The following PHF14 variants were observed in gnomAD, a reference collection of about 807,000 sequenced individuals.
The protein encoded by PHF14 is PHD finger protein 14.
PHF14 carries 55 observed loss-of-function variants against 117.9 expected under a neutral mutation model. The ratio of observed to expected loss-of-function variants is 0.47; its 90% confidence interval spans 0.38 to 0.58. The LOEUF (loss-of-function observed/expected upper bound fraction) is 0.58, where lower values mean the gene tolerates loss of function less well. Ranked by LOEUF, PHF14 falls within the 20% of genes least tolerant of loss-of-function variation. The pLI, the probability that PHF14 is intolerant of heterozygous loss-of-function variation, is 0.00. For missense variants in PHF14, 978 were observed against 1,122.2 expected, an observed-to-expected ratio of 0.87 and a Z score of 1.84; for synonymous variants, 409 against 368.6, an observed-to-expected ratio of 1.11 and a Z score of -1.26.
intron 16 of PHF14, among the ~76,000 whole-genome samples, chr7:11,066,549 G>GT (rs1263160414): frequency 6.6e-6 from 1 of 152,122 alleles, no homozygotes; most frequent in East Asian, 1.9e-4. Flanking sequence ...AAGCTTTGTA[G>GT]TTTTGGCTTT....
Position 11,040,696 on chromosome 7 carries a change from C to A in PHF14, c.2101C>A (p.Arg701=). 1 of 1,558,142 alleles carries A rather than the reference C, an allele frequency of 6.4e-7. No individual in the cohort carries two copies. The highest frequency in any genetic ancestry group is 8.7e-7 in the Non-Finnish European group (1 of 1,149,900). ...GAAGTTGAATATACCGGCAATTTTGCGAGCACCCAAGGAGAGAAAACCAAG... is the reference window on the plus strand; with the variant it reads ...GAAGTTGAATATACCGGCAATTTTGAGAGCACCCAAGGAGAGAAAACCAAG... The part of the protein sequence containing the change: ...GQKLNIPAIL[R]APKERKPSKK... The change falls in exon 12 of 18, where the codon CGA becomes AGA. Residue 701 remains arginine (R), a synonymous_variant. Transcript: ENST00000634607.
At chr7:11,101,341 A>G (rs1393547717) in intron 16 of PHF14, among the ~76,000 whole-genome samples, 2 of 151,816 alleles carry the variant, frequency 1.3e-5, no homozygotes, top group Non-Finnish European at 3.0e-5. Flanking sequence ...TTGTATTTCT[A>G]TTATAAATGA....
chr7:11,025,619 C>T (rs1284865912), intron 6 of PHF14, among the ~76,000 whole-genome samples: 1 of 151,666 alleles, frequency 6.6e-6, no homozygotes, highest in Admixed American at 6.6e-5. Flanking sequence ...CGGTGAAACC[C>T]CGTCTCTCCT....
At chr7:11,127,443 C>G (rs559021410) in intron 17 of PHF14, among the ~76,000 whole-genome samples, 7 of 152,096 alleles carry the variant, frequency 4.6e-5, no homozygotes, top group African/African-American at 1.4e-4. Flanking sequence ...TTTAACGGGC[C>G]CACATTTTGT....
chr7:11,096,097 C>T (rs191687531), intron 16 of PHF14, among the ~76,000 whole-genome samples: 105 of 151,924 alleles, frequency 6.9e-4, no homozygotes, highest in Admixed American at 1.4e-3. Context: ...AAGAGGTCTT[C>T]CTTAATCACA....
chr7:11,106,993 ATGGATTT>A, intron 16 of PHF14: 1 of 982,936 alleles, frequency 1.0e-6, no homozygotes, highest in Non-Finnish European at 1.2e-6. Flanking sequence ...AGTCTATGTT[ATGGATTT>A]TGCTTCTTTC....
chr7:11,110,826 A>G (rs905138004), intron 16 of PHF14, among the ~76,000 whole-genome samples: 1 of 152,068 alleles, frequency 6.6e-6, no homozygotes, highest in South Asian at 2.1e-4. Context: ...ATCTACTTTA[A>G]CTTGAAGAAA....
At chr7:11,165,398 T>C (rs1437173714) in intron 17 of PHF14, among the ~76,000 whole-genome samples, 1 of 152,176 alleles carries the variant, frequency 6.6e-6, no homozygotes, top group African/African-American at 2.4e-5. Context: ...GATATTAACC[T>C]TGACCATTTG....
At chr7:11,114,390 TG>T (rs1476493760) in intron 17 of PHF14, among the ~76,000 whole-genome samples, 2 of 152,128 alleles carry the variant, frequency 1.3e-5, no homozygotes, top group African/African-American at 4.8e-5. Flanking sequence ...AACAAGTTTT[TG>T]ATATGGGGTT....
chr7:11,034,135 T>A (rs927667187), intron 7 of PHF14, among the ~76,000 whole-genome samples: 8 of 152,146 alleles, frequency 5.3e-5, no homozygotes, highest in Non-Finnish European at 7.4e-5. Flanking sequence ...GCTTTTTTTT[T>A]AATATTAAGG....
At chr7:11,169,090 A>T (rs1252930075) in intron 17 of PHF14, among the ~76,000 whole-genome samples, 1 of 151,942 alleles carries the variant, frequency 6.6e-6, no homozygotes, top group Non-Finnish European at 1.5e-5. Flanking sequence ...TAGCAATTAA[A>T]TTTATTGTTT....
chr7:10,978,936 T>A (rs1312121263), intron 2 of PHF14, among the ~76,000 whole-genome samples: 2 of 152,204 alleles, frequency 1.3e-5, no homozygotes, highest in Admixed American at 1.3e-4. Flanking sequence ...ATATACGGTT[T>A]TGGTCAAACA....
chr7:10,994,440 A>G (rs1041597882), intron 4 of PHF14, among the ~76,000 whole-genome samples: 28 of 152,110 alleles, frequency 1.8e-4, no homozygotes, highest in African/African-American at 4.1e-4. Flanking sequence ...CTCCGTCTCA[A>G]AAAAAAAGAT....
chr7:11,026,722 G>GT (rs577300752), intron 6 of PHF14, among the ~76,000 whole-genome samples: 3,315 of 125,754 alleles, frequency 0.026, 56 homozygotes, highest in African/African-American at 0.057. Context: ...GTTGAAGCTT[G>GT]TTTTTTTTTT....
At chr7:11,093,148 A>G (rs542753368) in intron 16 of PHF14, among the ~76,000 whole-genome samples, 1 of 152,346 alleles carries the variant, frequency 6.6e-6, no homozygotes, top group Non-Finnish European at 1.5e-5. Flanking sequence ...ATTTCCAAAT[A>G]TTCGGAGGAT....
In PHF14 at chr7:11,114,622, CATG is replaced by C. The variant is rs1787544973; in HGVS notation, c.2772+3158_2772+3160del. Among the ~76,000 whole-genome samples, 3 of 152,208 alleles carry C rather than the reference CATG, an allele frequency of 2.0e-5. No individual in the cohort carries two copies. In the East Asian group the frequency reaches 5.8e-4, roughly 29 times the overall value. On this transcript the variant is annotated intron_variant, in intron 17 of 17. Coordinates refer to ENST00000634607, the MANE Select transcript of PHF14 (RefSeq NM_001007157.2). ...TTATACCCATACCCATGAAGTATAGCATGATAAGACTTTCTCTGTCTCATCAAC... is the reference window on the plus strand; with the variant it reads ...TTATACCCATACCCATGAAGTATAGCATAAGACTTTCTCTGTCTCATCAAC...
chr7:11,111,365 ACT>A lies in PHF14; in HGVS notation c.2673_2674del (p.Cys892LeufsTer15). ...ENLVRCDECR[L>X]CYHFGCLDPP... is the part of the protein sequence containing the mutation. ...TACCCTGCAGGTGTGATGAATGCAG[ACT>A]CTGCTACCATTTTGGCTGTTTGGAT... On this transcript the variant is annotated frameshift_variant, in exon 17 of 18. Coordinates refer to ENST00000634607, the MANE Select transcript of PHF14 (RefSeq NM_001007157.2). LOFTEE classifies it high-confidence loss of function. The A allele has an allele frequency of 6.3e-7, 1 of 1,593,494 alleles. No homozygotes were observed. The highest frequency in any genetic ancestry group is 8.6e-7 in the Non-Finnish European group (1 of 1,163,818).
intron 16 of PHF14, among the ~76,000 whole-genome samples, chr7:11,075,760 A>G (rs1401602185): frequency 1.3e-5 from 2 of 151,980 alleles, no homozygotes; most frequent in East Asian, 1.9e-4. Flanking sequence ...TCATTTAGAT[A>G]CCCTATGAAA....
intron 13 of PHF14, among the ~76,000 whole-genome samples, chr7:11,048,887 GA>G (rs1784760798): frequency 7.7e-6 from 1 of 129,684 alleles, no homozygotes; most frequent in South Asian, 2.7e-4. Context: ...TTGATTTTTT[GA>G]GTTGTTCCGT....
Sources: allele counts gnomAD v4.1 joint callset (sites outside exome capture counted in the v4.1 genomes callset), GRCh38; gene constraint gnomAD v4.1.1; transcripts MANE v1.5; gene names NCBI Gene and HGNC (gene_info 2026-07-23, HGNC 2026-07-21).